The following DLG2 variants were observed in gnomAD, a reference collection of about 807,000 sequenced individuals.
The protein encoded by DLG2 is discs large MAGUK scaffold protein 2.
A neutral mutation model predicts 132.5 loss-of-function variants in DLG2; 45 were observed. The observed-to-expected ratio is 0.34, with a 90% CI of 0.27 to 0.44. DLG2 has a LOEUF of 0.44. DLG2 is among the 20% of genes least tolerant of loss of function. DLG2 has a pLI of 1.00. For synonymous variants in DLG2, 424 were observed against 419.6 expected (o/e 1.01, Z -0.13); for missense variants, 1,045 against 1,196.9 (o/e 0.87, Z 1.87).
intron 7 of DLG2, among the ~76,000 whole-genome samples, chr11:84,265,110 T>A (rs901462515): frequency 1.2e-4 from 19 of 152,324 alleles, no homozygotes; most frequent in African/African-American, 4.3e-4. Context: ...TTAATCTCTC[T>A]GAAAATTTCT....
intron 18 of DLG2, among the ~76,000 whole-genome samples, chr11:83,763,203 G>A (rs928716293): frequency 3.3e-5 from 5 of 152,126 alleles, no homozygotes; most frequent in Admixed American, 2.0e-4. Context: ...AGGTTTAGGC[G>A]TATATGTGCA....
At chr11:85,121,649 T>TA (rs1459242321) in intron 5 of DLG2, among the ~76,000 whole-genome samples, 15 of 152,122 alleles carry the variant, frequency 9.9e-5, no homozygotes, top group Admixed American at 9.8e-4. Context: ...TTTCCAGGTG[T>TA]ATATAAGGAA....
chr11:84,479,843 A>G (rs2099131977), intron 7 of DLG2, among the ~76,000 whole-genome samples: 1 of 152,174 alleles, frequency 6.6e-6, no homozygotes. Context: ...AATATAATAA[A>G]CTGAAATGTT....
intron 6 of DLG2, among the ~76,000 whole-genome samples, chr11:84,978,338 C>A (rs938833055): frequency 2.0e-5 from 3 of 152,196 alleles, no homozygotes; most frequent in South Asian, 2.1e-4. Context: ...CAAAAAAGAG[C>A]CCGCATTGCC....
At chr11:84,563,600 T>C (rs959668642) in intron 6 of DLG2, among the ~76,000 whole-genome samples, 5 of 152,340 alleles carry the variant, frequency 3.3e-5, no homozygotes, top group Middle Eastern at 3.4e-3. Flanking sequence ...GTTCAGATGC[T>C]GTCTGTGTTT....
intron 6 of DLG2, among the ~76,000 whole-genome samples, chr11:84,719,596 A>G (rs963911800): frequency 6.6e-6 from 1 of 152,168 alleles, no homozygotes; most frequent in African/African-American, 2.4e-5. Context: ...ATTTCAGAAA[A>G]GGAGCAATGA....
intron 7 of DLG2, among the ~76,000 whole-genome samples, chr11:84,302,870 T>C (rs1211908018): frequency 6.6e-6 from 1 of 152,020 alleles, no homozygotes; most frequent in Admixed American, 6.6e-5. Context: ...GTGGATCACT[T>C]GAGGTCAGGA....
At chr11:85,508,766 T>C (rs1387536974) in intron 3 of DLG2, among the ~76,000 whole-genome samples, 1 of 152,054 alleles carries the variant, frequency 6.6e-6, no homozygotes. Context: ...ACTTTGAAAT[T>C]GTATTAAGTT....
At chr11:84,308,480 T>C (rs1036968942) in intron 7 of DLG2, among the ~76,000 whole-genome samples, 35 of 152,238 alleles carry the variant, frequency 2.3e-4, no homozygotes, top group Admixed American at 2.3e-3. Flanking sequence ...GGAGCCCAGC[T>C]GGCTTCACCC....
At chr11:84,945,826 C>A (rs572261139) in intron 6 of DLG2, among the ~76,000 whole-genome samples, 3 of 152,050 alleles carry the variant, frequency 2.0e-5, no homozygotes, top group Non-Finnish European at 4.4e-5. Flanking sequence ...CATGTGCATC[C>A]GACATCTACT....
intron 6 of DLG2, among the ~76,000 whole-genome samples, chr11:84,578,438 AACCCATCTCTTGCATTAGTGTG>A (rs1235693839): frequency 6.6e-6 from 1 of 152,204 alleles, no homozygotes; most frequent in Non-Finnish European, 1.5e-5. Flanking sequence ...AGAGCATGGG[AACCCATCTCTTGCATTAGTGTG>A]ACCTGGATGT....
At chr11:84,321,730 A>G (rs2098405772) in intron 7 of DLG2, among the ~76,000 whole-genome samples, 1 of 152,220 alleles carries the variant, frequency 6.6e-6, no homozygotes, top group South Asian at 2.1e-4. Context: ...TGGGATTACT[A>G]TGCAACACAG....
rs367977704 is a variant in DLG2, at chr11:84,615,810, A to G, written c.358-81079T>C. On this transcript the variant is annotated intron_variant, in intron 6 of 27. Coordinates refer to ENST00000376104, the MANE Select transcript of DLG2 (RefSeq NM_001142699.3). ...CCCTACTCAGAGAAAATTTCAGGACAAAAACGGTAAAAAAAAAAAAAAAAA... is the reference window on the plus strand; with the variant it reads ...CCCTACTCAGAGAAAATTTCAGGACGAAAACGGTAAAAAAAAAAAAAAAAA... Among the ~76,000 whole-genome samples the G allele has an allele frequency of 5.1e-3, 722 of 141,516 alleles. 12 individuals carry two copies. The highest frequency in any genetic ancestry group is 0.018 in the African/African-American group (666 of 36,470). The allele number at this position is 141,516 out of a possible 152,430, so 92.8% of individuals were successfully genotyped here. A position where few individuals can be genotyped will look rare whatever the true frequency, so the allele number is the denominator to read the frequency against.
chr11:84,233,762 C>G (rs1246947714), intron 8 of DLG2, among the ~76,000 whole-genome samples: 1 of 152,224 alleles, frequency 6.6e-6, no homozygotes, highest in African/African-American at 2.4e-5. Context: ...GAACCCCTTT[C>G]TGCAGGAAAG....
intron 22 of DLG2, among the ~76,000 whole-genome samples, chr11:83,476,107 G>A (rs1285696395): frequency 6.6e-6 from 1 of 152,096 alleles, no homozygotes; most frequent in Non-Finnish European, 1.5e-5. Flanking sequence ...AAACAGAGAT[G>A]ATGGAGTTGA....
intron 18 of DLG2, among the ~76,000 whole-genome samples, chr11:83,646,440 T>G (rs2068208770): frequency 6.6e-6 from 1 of 151,912 alleles, no homozygotes; most frequent in African/African-American, 2.4e-5. Flanking sequence ...TCTAATTTCT[T>G]CTGTTCTTTT....
At chr11:84,676,901 G>A (rs2099713127) in intron 6 of DLG2, among the ~76,000 whole-genome samples, 1 of 151,980 alleles carries the variant, frequency 6.6e-6, no homozygotes, top group Non-Finnish European at 1.5e-5. Context: ...GATGTTCCAG[G>A]CAGATGGAAC....
At chr11:83,625,194 C>T (rs975443716) in intron 19 of DLG2, among the ~76,000 whole-genome samples, 1 of 152,152 alleles carries the variant, frequency 6.6e-6, no homozygotes, top group Admixed American at 6.5e-5. Flanking sequence ...CTCTGGGAAA[C>T]AGCCAACATG....
chr11:83,486,762 G>A (rs1420583854), intron 21 of DLG2, among the ~76,000 whole-genome samples: 1 of 152,014 alleles, frequency 6.6e-6, no homozygotes, highest in Admixed American at 6.6e-5. Context: ...AGAAGGGAAT[G>A]GAAGTATTGG....
Sources: allele counts gnomAD v4.1 joint callset (sites outside exome capture counted in the v4.1 genomes callset), GRCh38; gene constraint gnomAD v4.1.1; transcripts MANE v1.5; gene names NCBI Gene and HGNC (gene_info 2026-07-23, HGNC 2026-07-21).